BRWD1: variants seen among roughly 807,000 people sequenced by gnomAD.
BRWD1 encodes bromodomain and WD repeat domain containing 1.
Under a neutral mutation model 251.2 loss-of-function variants are expected in BRWD1, and 82 were observed. The ratio of observed to expected loss-of-function variants is 0.33; its 90% CI spans 0.27 to 0.39. The LOEUF (loss-of-function observed/expected upper bound fraction) is 0.39. BRWD1 is among the 10% of genes least tolerant of loss of function. The probability of loss-of-function intolerance (pLI) is 1.00; values close to 1 mark genes in which losing one functional copy is unlikely to be tolerated. For synonymous variants in BRWD1, 918 were observed against 902.8 expected, an observed-to-expected ratio of 1.02 and a Z score of -0.30; for missense variants, 2,233 against 2,711.6, an observed-to-expected ratio of 0.82 and a Z score of 3.92.
chr21:39,244,358 C>T (rs1200658322), intron 21 of BRWD1, among the ~76,000 whole-genome samples: 1 of 152,108 alleles, frequency 6.6e-6, no homozygotes, highest in African/African-American at 2.4e-5. Context: ...GCCACTGCAC[C>T]CGGCCCATGC....
Position 39,199,135 on chromosome 21 carries a change from T to G in BRWD1, c.5281A>C (p.Lys1761Gln), listed in dbSNP as rs765419042. The change falls in exon 40 of 41, where the codon AAA becomes CAA. Residue 1761 changes from lysine to glutamine, a missense_variant. Physicochemically the swap from Lys to Gln is moderately conservative, Grantham distance 53 (BLOSUM62 1). Coordinates refer to ENST00000342449, the MANE Select transcript of BRWD1 (RefSeq NM_033656.4). Reference protein sequence around the residue: ...LKIESSEEDSKSHDSDHACNR... With the variant: ...LKIESSEEDSQSHDSDHACNR... ...CATGCATGATCTGAATCATGACTTT[T>G]AGAGTCTTCCTCAGAAGACTCTATT... The G allele has an allele frequency of 1.2e-6, 2 of 1,614,060 alleles. No individual in the cohort carries two copies. The highest frequency in any genetic ancestry group is 1.7e-6 in the Non-Finnish European group (2 of 1,180,010).
At chr21:39,200,084 T>C (rs1241414694) in intron 39 of BRWD1, 135 bp downstream of exon 39, 3 of 891,086 alleles carry the variant, frequency 3.4e-6, no homozygotes, top group Non-Finnish European at 4.9e-6. Context: ...AAAATTCATT[T>C]CCTTCCTAAA....
chr21:39,304,141 CAA>C (rs56990201), intron 4 of BRWD1, among the ~76,000 whole-genome samples: 2 of 118,388 alleles, frequency 1.7e-5, no homozygotes, highest in African/African-American at 3.3e-5. Flanking sequence ...AACTCTTTCT[CAA>C]AAAAAAAAAA....
chr21:39,228,398 T>G (rs557267265), intron 27 of BRWD1, 102 bp downstream of exon 27: 1 of 734,398 alleles, frequency 1.4e-6, no homozygotes, highest in South Asian at 1.8e-5. Flanking sequence ...GGAATTTACA[T>G]GTTTGTATAT....
chr21:39,258,658 T>A lies in BRWD1; in HGVS notation c.1900A>T (p.Ile634Phe). The A allele has an allele frequency of 6.2e-7, 1 of 1,601,244 alleles. No individual in the cohort carries two copies. The highest frequency in any genetic ancestry group is 8.5e-7 in the Non-Finnish European group (1 of 1,173,844). ...GYVATSDGEVIEQIISLQTND... is the reference protein window; with the variant it reads ...GYVATSDGEVFEQIISLQTND... ...GTTTGCAGGCTTATAATTTGTTCAA[T>A]CACCTCTCCATCACCTACAAATTCA... Residue 634 changes from isoleucine to phenylalanine, a missense_variant, in exon 18 of 41, where the codon ATT (isoleucine) becomes TTT (phenylalanine). By Grantham distance (21) the Ile-to-Phe change is conservative. This residue lies in a region of BRWD1 where 315 missense variants were observed against 421.8 expected (regional missense o/e 0.75). Transcript: ENST00000342449.
At chr21:39,201,900 C>A (rs2032127739) in intron 38 of BRWD1, among the ~76,000 whole-genome samples, 1 of 152,202 alleles carries the variant, frequency 6.6e-6, no homozygotes, top group South Asian at 2.1e-4. Context: ...GAAATAGATA[C>A]ACACCACAGC....
intron 19 of BRWD1, among the ~76,000 whole-genome samples, chr21:39,253,607 T>C (rs2034469320): frequency 6.6e-6 from 1 of 152,208 alleles, no homozygotes; most frequent in South Asian, 2.1e-4. Flanking sequence ...ATTTTCTGTA[T>C]TTCTCATCAC....
chr21:39,233,609 A>G (rs1441916176), intron 23 of BRWD1, among the ~76,000 whole-genome samples: 1 of 152,226 alleles, frequency 6.6e-6, no homozygotes, highest in Non-Finnish European at 1.5e-5. Context: ...ACAGGAGAAA[A>G]TAAGTGTTGC....
At chr21:39,309,130 C>A (rs968387891) in intron 4 of BRWD1, among the ~76,000 whole-genome samples, 7 of 152,000 alleles carry the variant, frequency 4.6e-5, no homozygotes, top group East Asian at 1.9e-4. Context: ...GCCGAGATCA[C>A]ACCACTGCAC....
intron 4 of BRWD1, among the ~76,000 whole-genome samples, chr21:39,306,474 T>C (rs771927080): frequency 6.6e-5 from 10 of 152,162 alleles, no homozygotes; most frequent in Non-Finnish European, 1.5e-4. Flanking sequence ...GAAGGAAATA[T>C]AACTACAGAA....
chr21:39,266,474 G>A (rs996966895), intron 15 of BRWD1, among the ~76,000 whole-genome samples: 3 of 152,178 alleles, frequency 2.0e-5, no homozygotes, highest in African/African-American at 7.2e-5. Context: ...GATGCCAGTG[G>A]GGAGGGAGTG....
chr21:39,216,589 GA>G, intron 31 of BRWD1: 1 of 238,896 alleles, frequency 4.2e-6, no homozygotes. Flanking sequence ...TTCCAGAGCA[GA>G]AAGGAAACTC....
At chr21:39,292,713 G>C (rs970063530) in intron 8 of BRWD1, among the ~76,000 whole-genome samples, 12 of 146,460 alleles carry the variant, frequency 8.2e-5, no homozygotes, top group African/African-American at 3.0e-4. Context: ...GGAAACTATA[G>C]ATAACCTAGG....
chr21:39,275,630 T>C (rs75286434), intron 12 of BRWD1, among the ~76,000 whole-genome samples: 187 of 152,320 alleles, frequency 1.2e-3, no homozygotes, highest in African/African-American at 4.3e-3. Context: ...GTATGTGAAG[T>C]GGCAGAGATG....
intron 4 of BRWD1, among the ~76,000 whole-genome samples, chr21:39,300,281 G>C (rs1024439882): frequency 2.6e-5 from 4 of 152,116 alleles, no homozygotes; most frequent in East Asian, 1.9e-4. Flanking sequence ...GCTAGAGATA[G>C]GACAACAGGG....
At chr21:39,211,022 CAAT>C in intron 34 of BRWD1, 93 bp from the exon 35 acceptor site, 1 of 1,280,638 alleles carries the variant, frequency 7.8e-7, no homozygotes, top group East Asian at 2.6e-5. Flanking sequence ...TATAAAAATA[CAAT>C]AATGTCATAT....
In BRWD1 at chr21:39,188,309, T is replaced by C; in HGVS notation, c.*7950A>G. 1.0e-6 allele frequency: 1 copy of C among 985,418 alleles called. No homozygotes were observed. The highest frequency in any genetic ancestry group is 1.2e-6 in the Non-Finnish European group (1 of 829,918). The allele number at this position is 985,418 out of a possible 1,614,324, so 61.0% of individuals were successfully genotyped here. On this transcript the variant is annotated 3_prime_UTR_variant, in exon 41 of 41. Transcript: ENST00000342449. ...CCAATCTTGATGGCAGTTTGTTTTG[T>C]AGGACCCTGCCTGAAGTTTCCAGAC...
chr21:39,304,132 ACT>A (rs1183910772), intron 4 of BRWD1, among the ~76,000 whole-genome samples: 2 of 107,778 alleles, frequency 1.9e-5, no homozygotes, highest in East Asian at 2.3e-4. Flanking sequence ...CCAGAGTGAA[ACT>A]CTTTCTCAAA....
chr21:39,296,379 T>C lies in BRWD1; in HGVS notation c.350-16A>G. On this transcript the variant is annotated splice_polypyrimidine_tract_variant and intron_variant, in intron 5 of 40. Transcript: ENST00000342449. ...TGCCTGCAGTCTTTAAAATGAATTT[T>C]AGATACACATAAAATCTTGAAAGTT... is the stretch of plus-strand genomic sequence containing the variant. 1.3e-6 allele frequency: 2 copies of C among 1,549,250 alleles called. No homozygotes were observed. Among genetic ancestry groups the C allele is most frequent in the Non-Finnish European group, 1.7e-6 (2 of 1,153,580 alleles).
Sources: gnomAD v4.1 joint callset for allele counts (sites outside exome capture counted in the v4.1 genomes callset) on GRCh38, gnomAD v4.1.1 for gene constraint, gnomAD v4.1.1 regional missense constraint, MANE v1.5 for transcripts, NCBI Gene and HGNC (gene_info 2026-07-23, HGNC 2026-07-21) for gene names.